The following ROR2 variants were observed in gnomAD, a reference collection of about 807,000 sequenced individuals.
ROR2 encodes ROR family WNT receptor 2.
In ROR2, 33 loss-of-function variants were observed where a neutral mutation model predicts 74.9. The ratio of observed to expected loss-of-function variants is 0.44; its 90% CI spans 0.33 to 0.59. The LOEUF is 0.59. ROR2 is among the 20% of genes least tolerant of loss of function. The pLI, the probability that ROR2 is intolerant of heterozygous loss-of-function variation, is 0.02. For synonymous variants in ROR2, 586 were observed against 558.7 expected (o/e 1.05, Z -0.69); for missense variants, 1,216 against 1,313.8 (o/e 0.93, Z 1.15).
At chr9:91,899,301 G>A (rs371347479) in intron 1 of ROR2, among the ~76,000 whole-genome samples, 3 of 152,222 alleles carry the variant, frequency 2.0e-5, no homozygotes, top group East Asian at 3.8e-4. Context: ...GGCCACAGCT[G>A]AGGCTGGGCA....
At chr9:91,929,612 T>C (rs1202954949) in intron 1 of ROR2, among the ~76,000 whole-genome samples, 1 of 152,150 alleles carries the variant, frequency 6.6e-6, no homozygotes, top group East Asian at 1.9e-4. Flanking sequence ...ATTCAACTTA[T>C]GACCCAAAGA....
At chr9:91,909,836 AGGTTTGTTT>A (rs1830909284) in intron 1 of ROR2, among the ~76,000 whole-genome samples, 1 of 33,016 alleles carries the variant, frequency 3.0e-5, no homozygotes, top group Non-Finnish European at 5.4e-5. Flanking sequence ...TTTTTTTTTT[AGGTTTGTTT>A]TGTTTTTTTT....
chr9:91,897,526 C>A (rs1260724345), intron 1 of ROR2, among the ~76,000 whole-genome samples: 1 of 150,814 alleles, frequency 6.6e-6, no homozygotes, highest in Admixed American at 6.6e-5. Flanking sequence ...CAAAGTGATA[C>A]TGGGTGATGC....
At chr9:91,773,277 C>T (rs1826298467) in intron 2 of ROR2, among the ~76,000 whole-genome samples, 2 of 152,204 alleles carry the variant, frequency 1.3e-5, no homozygotes, top group South Asian at 2.1e-4. Flanking sequence ...GTTGGATTCT[C>T]GGCCGTTAAT....
intron 1 of ROR2, among the ~76,000 whole-genome samples, chr9:91,911,546 A>G (rs1024644824): frequency 6.6e-6 from 1 of 152,226 alleles, no homozygotes; most frequent in East Asian, 1.9e-4. Flanking sequence ...GCTTCAATAA[A>G]TAATTCAATA....
chr9:91,885,869 T>C (rs1001068713), intron 1 of ROR2, among the ~76,000 whole-genome samples: 1 of 54,050 alleles, frequency 1.9e-5, no homozygotes, highest in Non-Finnish European at 3.1e-5. Flanking sequence ...TATGGTTTCC[T>C]TTTTTTTTTT....
chr9:91,766,805 G>A (rs897339877), intron 2 of ROR2, among the ~76,000 whole-genome samples: 2 of 152,182 alleles, frequency 1.3e-5, no homozygotes, highest in Non-Finnish European at 2.9e-5. Context: ...GGCTCACTTG[G>A]ATTTGGGCAG....
intron 1 of ROR2, among the ~76,000 whole-genome samples, chr9:91,892,005 G>A (rs1416174759): frequency 4.1e-5 from 6 of 146,274 alleles, no homozygotes; most frequent in East Asian, 2.0e-4. Flanking sequence ...CCGAGATCGC[G>A]CCACTGCACT....
intron 1 of ROR2, among the ~76,000 whole-genome samples, chr9:91,821,354 T>C (rs1289195414): frequency 6.6e-6 from 1 of 152,190 alleles, no homozygotes; most frequent in Non-Finnish European, 1.5e-5. Context: ...TAGGCATGCA[T>C]TGCTTCGTTA....
At position 91,735,748 on chromosome 9, in the gene ROR2, C is replaced by A. The variant is rs148517898; in HGVS notation, c.622+1643G>T. Among the ~76,000 whole-genome samples the A allele has an allele frequency of 9.6e-3, 1,450 of 150,898 alleles. 9 individuals are homozygous for A. The highest frequency in any genetic ancestry group is 0.016 in the Non-Finnish European group (1,062 of 67,862). On this transcript the variant is annotated intron_variant, in intron 5 of 8. Coordinates refer to ENST00000375708, the MANE Select transcript of ROR2 (RefSeq NM_004560.4). ...TCTTCTGCCTCAGCCTCCCAAGTAG[C>A]TGGGATTACAGGCACCCGCCACCAT...
intron 1 of ROR2, among the ~76,000 whole-genome samples, chr9:91,943,003 T>A (rs562993476): frequency 6.0e-4 from 91 of 152,328 alleles, no homozygotes; most frequent in African/African-American, 2.2e-3. Flanking sequence ...ATGTACTTAT[T>A]ATCAATGGTG....
At chr9:91,788,746 TC>T (rs1826878580) in intron 1 of ROR2, among the ~76,000 whole-genome samples, 1 of 151,020 alleles carries the variant, frequency 6.6e-6, no homozygotes, top group South Asian at 2.1e-4. Flanking sequence ...GCACCTGTAA[TC>T]CCAGCTACTC....
intron 1 of ROR2, among the ~76,000 whole-genome samples, chr9:91,853,437 C>G (rs971389197): frequency 6.6e-6 from 1 of 152,180 alleles, no homozygotes; most frequent in Non-Finnish European, 1.5e-5. Flanking sequence ...GGAGGTGTGG[C>G]TCCACATAGA....
At chr9:91,870,934 A>G (rs951184291) in intron 1 of ROR2, among the ~76,000 whole-genome samples, 1 of 152,282 alleles carries the variant, frequency 6.6e-6, no homozygotes, top group African/African-American at 2.4e-5. Flanking sequence ...CAGAGTTCAC[A>G]TTAAGTAAAA....
At chr9:91,939,612 T>C (rs1274909328) in intron 1 of ROR2, among the ~76,000 whole-genome samples, 1 of 152,174 alleles carries the variant, frequency 6.6e-6, no homozygotes, top group Admixed American at 6.6e-5. Flanking sequence ...CTGTTCTCTC[T>C]GTGGTAAAGG....
At chr9:91,747,795 G>A (rs1485453880) in intron 4 of ROR2, among the ~76,000 whole-genome samples, 1 of 152,154 alleles carries the variant, frequency 6.6e-6, no homozygotes, top group Non-Finnish European at 1.5e-5. Context: ...GGTCACTGGG[G>A]AAAAGAAACT....
chr9:91,863,859 A>G (rs1394209942), intron 1 of ROR2, among the ~76,000 whole-genome samples: 1 of 152,126 alleles, frequency 6.6e-6, no homozygotes, highest in African/African-American at 2.4e-5. Flanking sequence ...TATACTAAAA[A>G]CCACTGGGTT....
At chr9:91,735,606 C>CTTTTTTTTTTTTTTTT (rs35146225) in intron 5 of ROR2, among the ~76,000 whole-genome samples, 46 of 79,010 alleles carry the variant, frequency 5.8e-4, no homozygotes, top group East Asian at 1.0e-3. Context: ...AGGGCTCTAA[C>CTTTTTTTTTTTTTTTT]TTTTTTTTTT....
intron 6 of ROR2, among the ~76,000 whole-genome samples, chr9:91,731,487 A>G (rs1339796763): frequency 6.6e-6 from 1 of 152,162 alleles, no homozygotes; most frequent in African/African-American, 2.4e-5. Context: ...AAGAAAGCCA[A>G]CTGTGCAAGC....
Sources: allele counts gnomAD v4.1 joint callset (sites outside exome capture counted in the v4.1 genomes callset), GRCh38; gene constraint gnomAD v4.1.1; transcripts MANE v1.5; gene names NCBI Gene and HGNC (gene_info 2026-07-23, HGNC 2026-07-21).